The following PLCG2 variants were observed in gnomAD, a reference collection of about 807,000 sequenced individuals.
PLCG2 encodes phospholipase C gamma 2, also known as 1-phosphatidylinositol 4,5-bisphosphate phosphodiesterase gamma-2.
A neutral mutation model predicts 175.6 loss-of-function variants in PLCG2; 69 were observed. The observed-to-expected ratio is 0.39, with a 90% CI of 0.32 to 0.48. PLCG2 has a LOEUF of 0.48. Among genes scored for constraint, PLCG2 ranks in the 20% least tolerant of loss-of-function variants. The probability of loss-of-function intolerance (pLI) is 0.91; values close to 1 mark genes in which losing one functional copy is unlikely to be tolerated. For synonymous variants in PLCG2, 827 were observed against 624.0 expected (o/e 1.33, Z -4.85); for missense variants, 1,798 against 1,650.9 (o/e 1.09, Z -1.54).
intron 2 of PLCG2, among the ~76,000 whole-genome samples, chr16:81,847,385 A>G (rs570273033): frequency 4.6e-5 from 7 of 152,320 alleles, no homozygotes; most frequent in Admixed American, 1.3e-4. Context: ...ATCATTGGCC[A>G]TTGGTGACCA....
chr16:81,797,582 G>T (rs1030341445), intron 2 of PLCG2, among the ~76,000 whole-genome samples: 12 of 152,198 alleles, frequency 7.9e-5, no homozygotes, highest in African/African-American at 2.9e-4. Flanking sequence ...CCCATATCTG[G>T]CCTGTGGCTG....
rs1282989924 is a variant in PLCG2, at chr16:81,958,082, G to A, written c.*84G>A. On this transcript the variant is annotated 3_prime_UTR_variant, in exon 33 of 33. Coordinates refer to ENST00000564138, the MANE Select transcript of PLCG2 (RefSeq NM_002661.5). Reference sequence around the variant, plus strand: ...AGAACGTGCCCTATTCACACTCTGGGAAGACGCTAATCTGTGACATCTTTT... The same window carrying A: ...AGAACGTGCCCTATTCACACTCTGGAAAGACGCTAATCTGTGACATCTTTT... The A allele has an allele frequency of 2.3e-5, 22 of 946,552 alleles. No homozygotes were observed. Among genetic ancestry groups the A allele is most frequent in the South Asian group, 4.0e-5 (3 of 75,246 alleles). The allele number at this position is 946,552 out of a possible 1,614,324, so 58.6% of individuals were successfully genotyped here.
At chr16:81,809,088 AG>A (rs770459562) in intron 2 of PLCG2, among the ~76,000 whole-genome samples, 1 of 152,152 alleles carries the variant, frequency 6.6e-6, no homozygotes, top group African/African-American at 2.4e-5. Flanking sequence ...ACCTGTGCTA[AG>A]CCAGGCCTGG....
At chr16:81,778,071 C>CAAAAAA (rs1567458002), upstream of PLCG2, among the ~76,000 whole-genome samples, 2 of 77,198 alleles carry the variant, frequency 2.6e-5, no homozygotes, top group African/African-American at 1.2e-4. Context: ...AAACCAAAAA[C>CAAAAAA]ACACACACAC....
chr16:81,792,480 C>CA lies in PLCG2; in HGVS notation c.193+6329dup, dbSNP rs532680550. On this transcript the variant is annotated intron_variant, in intron 2 of 32. Transcript: ENST00000564138. ...TGGGTGACAGAGCAAGGCTCTGTCTCAAAAAAAAAAAAAAAAAAAAAAAAA... is the reference window on the plus strand; with the variant it reads ...TGGGTGACAGAGCAAGGCTCTGTCTCAAAAAAAAAAAAAAAAAAAAAAAAAA... 1.7e-3 allele frequency among the ~76,000 whole-genome samples: 120 copies of CA among 70,144 alleles called. 17 individuals are homozygous for CA. Among genetic ancestry groups the CA allele is most frequent in the African/African-American group, 6.7e-3 (100 of 15,028 alleles). 46.0% of individuals were successfully genotyped at this position (70,144 alleles called of 152,430 possible).
At chr16:81,816,941 C>G (rs1424373131) in intron 2 of PLCG2, among the ~76,000 whole-genome samples, 1 of 152,142 alleles carries the variant, frequency 6.6e-6, no homozygotes, top group African/African-American at 2.4e-5. Flanking sequence ...GGTCTAGAGT[C>G]TTCTCTGAGC....
chr16:81,782,222 T>C (rs1910768532), intron 1 of PLCG2, among the ~76,000 whole-genome samples: 1 of 89,892 alleles, frequency 1.1e-5, no homozygotes, highest in South Asian at 5.5e-4. Context: ...AGAACATGAA[T>C]GAGCTTATGA....
At chr16:81,938,136 C>A (rs1910794007) in intron 28 of PLCG2, among the ~76,000 whole-genome samples, 1 of 152,180 alleles carries the variant, frequency 6.6e-6, no homozygotes, top group Non-Finnish European at 1.5e-5. Context: ...CCCTTGTCCT[C>A]TGTGGGGGTG....
chr16:81,895,688 G>A (rs1270992398), intron 12 of PLCG2, 119 bp from the exon 13 acceptor site: 17 of 1,117,046 alleles, frequency 1.5e-5, no homozygotes, highest in Non-Finnish European at 1.8e-5. Flanking sequence ...GTTGGCAGCC[G>A]AATGGAGGGA....
chr16:81,742,703 T>C (rs1237218997), intron 1 of PLCG2, among the ~76,000 whole-genome samples: 1 of 152,168 alleles, frequency 6.6e-6, no homozygotes, highest in Non-Finnish European at 1.5e-5. Context: ...TATAATCATT[T>C]GTTACCCCAC....
In PLCG2 at chr16:81,917,290, A is replaced by G. The variant is rs577269606; in HGVS notation, c.2055-2194A>G. ...TATGTAAATGTACCACATTTTCTTT[A>G]TCCATTTATCTGTTGATGGGCAGGC... On this transcript the variant is annotated intron_variant, in intron 19 of 32. Coordinates refer to ENST00000564138, the MANE Select transcript of PLCG2 (RefSeq NM_002661.5). Among the ~76,000 whole-genome samples, 6 of 139,258 alleles carry G rather than the reference A, an allele frequency of 4.3e-5. No homozygotes were observed. The East Asian group carries it at 1.3e-3, about 30-fold the overall frequency. 91.4% of individuals were successfully genotyped at this position (139,258 alleles called of 152,430 possible). A position where few individuals can be genotyped will look rare whatever the true frequency, so the allele number is the denominator to read the frequency against.
In PLCG2 at chr16:81,924,894, C is replaced by T. The variant is rs565037381; in HGVS notation, c.2417+1300C>T. 3.2e-4 allele frequency among the ~76,000 whole-genome samples: 48 copies of T among 152,360 alleles called. No individual in the cohort carries two copies. The East Asian group carries it at 3.3e-3, about 10-fold the overall frequency. On this transcript the variant is annotated intron_variant, in intron 22 of 32. Coordinates refer to ENST00000564138, the MANE Select transcript of PLCG2 (RefSeq NM_002661.5). ...GTCTGCTTCTCCCAGTTCAGAGGCT[C>T]GGCTTTGCCGAAGTCCCTCCACTCG...
At chr16:81,941,414 C>T (rs1173144647) in intron 30 of PLCG2, among the ~76,000 whole-genome samples, 1 of 152,220 alleles carries the variant, frequency 6.6e-6, no homozygotes, top group African/African-American at 2.4e-5. Flanking sequence ...AAGGAATCTG[C>T]ATCTTTAGGC....
intron 5 of PLCG2, among the ~76,000 whole-genome samples, chr16:81,860,945 G>A (rs1470290532): frequency 1.3e-5 from 2 of 151,944 alleles, no homozygotes; most frequent in Non-Finnish European, 2.9e-5. Flanking sequence ...CCACTCTACT[G>A]TGGCCTGGGT....
At chr16:81,940,966 C>T (rs1910915593) in intron 30 of PLCG2, among the ~76,000 whole-genome samples, 1 of 152,160 alleles carries the variant, frequency 6.6e-6, no homozygotes, top group African/African-American at 2.4e-5. Flanking sequence ...ATCATAGATT[C>T]TTCTGGATTC....
At chr16:81,743,532 G>C (rs1006655522) in intron 1 of PLCG2, among the ~76,000 whole-genome samples, 5 of 152,354 alleles carry the variant, frequency 3.3e-5, no homozygotes, top group African/African-American at 1.2e-4. Flanking sequence ...ACAGTGGCCA[G>C]AGGGGAGTGA....
intron 11 of PLCG2, 51 bp from the exon 12 acceptor site, chr16:81,893,658 C>G: frequency 8.8e-7 from 1 of 1,142,166 alleles, no homozygotes; most frequent in Non-Finnish European, 1.3e-6. Context: ...GCTTGCCCCC[C>G]AACCCCTGTG....
chr16:81,946,205 A>G lies in PLCG2; in HGVS notation c.3512A>G (p.Tyr1171Cys). The G allele has an allele frequency of 6.2e-7, 1 of 1,613,878 alleles. No homozygotes were observed. The highest frequency in any genetic ancestry group is 8.5e-7 in the Non-Finnish European group (1 of 1,179,810). ...GFRSVPLKNGYSEDIELASLL... is the reference protein window; with the variant it reads ...GFRSVPLKNGCSEDIELASLL... ...AGGTCCGTTCCTCTGAAGAATGGGTACAGCGAGGACATAGAGCTGGCTTCC... is the reference window on the plus strand; with the variant it reads ...AGGTCCGTTCCTCTGAAGAATGGGTGCAGCGAGGACATAGAGCTGGCTTCC... Residue 1171 changes from tyrosine to cysteine, a missense_variant, in exon 31 of 33, where the codon TAC (tyrosine) becomes TGC (cysteine). Tyr to Cys is a radical substitution (Grantham distance 194). Transcript: ENST00000564138.
At chr16:81,776,083 C>CTTTCTTTCTTTCTTTCTTTCCT, upstream of PLCG2, among the ~76,000 whole-genome samples, 1 of 81,848 alleles carries the variant, frequency 1.2e-5, no homozygotes, top group Admixed American at 1.2e-4. Context: ...TTCTCTCTCT[C>CTTTCTTTCTTTCTTTCTTTCCT]TCTCTCTTTC....
Sources: gnomAD v4.1 joint callset for allele counts (sites outside exome capture counted in the v4.1 genomes callset) on GRCh38, gnomAD v4.1.1 for gene constraint, MANE v1.5 for transcripts, NCBI Gene and HGNC (gene_info 2026-07-23, HGNC 2026-07-21) for gene names.